The following CALHM4 variants were observed in gnomAD, a reference collection of about 807,000 sequenced individuals.
The protein encoded by CALHM4 is calcium homeostasis modulator protein 4.
In CALHM4, 16 loss-of-function variants were observed where a neutral mutation model predicts 13.3. That is an observed-to-expected ratio of 1.20 (90% CI 0.81 to 1.82). CALHM4 has a LOEUF of 1.82. Ranked by LOEUF, CALHM4 falls within the 40% of genes most tolerant of loss-of-function variation. The pLI is 0.00. For synonymous variants in CALHM4, 127 were observed against 137.1 expected (o/e 0.93, Z 0.52); for missense variants, 344 against 374.9 (o/e 0.92, Z 0.68).
Position 116,554,216 on chromosome 6 carries a change from T to C in CALHM4, c.423T>C (p.His141=), listed in dbSNP as rs960412594. 1 of 1,550,560 alleles carries C rather than the reference T, an allele frequency of 6.4e-7. No individual in the cohort carries two copies. Among genetic ancestry groups the C allele is most frequent in the African/African-American group, 1.4e-5 (1 of 73,122 alleles). ...CAASEFASVD[H]YPMFDNVSAS... is the part of the protein sequence containing the mutation. ...CAAGTGAATTTGCATCTGTGGACCA[T>C]TACCCAATGTTTGATAATGTCAGTG... is the stretch of plus-strand genomic sequence containing the variant. Residue 141 remains histidine, a synonymous_variant, in exon 1 of 2, where the codon CAT becomes CAC. Transcript: ENST00000368596.
At position 116,554,050 on chromosome 6, in the gene CALHM4, C is replaced by A; in HGVS notation, c.257C>A (p.Ala86Asp). ...TITGEYCCSC[A>D]PPYRRISPLE... ...ACCGGTGAATACTGCTGCAGCTGTG[C>A]CCCTCCATACAGGAGAATCAGCCCC... Residue 86 changes from alanine (A) to aspartate (D), a missense_variant, in exon 1 of 2, where the codon GCC becomes GAC. Transcript: ENST00000368596. The A allele has an allele frequency of 1.3e-6, 2 of 1,550,650 alleles. No homozygotes were observed. Among genetic ancestry groups the A allele is most frequent in the Non-Finnish European group, 1.7e-6 (2 of 1,147,018 alleles).
chr6:116,531,293 T>C (rs1298418236), intron 1 of CALHM4, among the ~76,000 whole-genome samples: 2 of 151,764 alleles, frequency 1.3e-5, no homozygotes, highest in Admixed American at 6.5e-5. Context: ...TTGGGCAGAA[T>C]GCAAATGACA....
upstream of CALHM4, among the ~76,000 whole-genome samples, chr6:116,551,459 T>C (rs1177261564): frequency 1.3e-5 from 2 of 152,252 alleles, no homozygotes; most frequent in Non-Finnish European, 2.9e-5. Flanking sequence ...CGGAAAATTA[T>C]TTCTGAATTC....
upstream of CALHM4, among the ~76,000 whole-genome samples, chr6:116,552,290 T>A (rs900652687): frequency 1.3e-5 from 2 of 152,204 alleles, no homozygotes; most frequent in Middle Eastern, 3.2e-3. Context: ...TCTGGTAGTT[T>A]TAAAGAATAT....
At chr6:116,556,227 T>C (rs537086713) in intron 1 of CALHM4, among the ~76,000 whole-genome samples, 9 of 152,380 alleles carry the variant, frequency 5.9e-5, no homozygotes, top group African/African-American at 1.9e-4. Context: ...GTTCATTCCA[T>C]TGTGCTTCCT....
chr6:116,547,145 T>A (rs1232021009), intron 2 of CALHM4, among the ~76,000 whole-genome samples: 2 of 152,182 alleles, frequency 1.3e-5, no homozygotes, highest in Non-Finnish European at 2.9e-5. Context: ...CCGCACACAC[T>A]CTAATTATGT....
At chr6:116,549,868 C>T (rs976938099), upstream of CALHM4, among the ~76,000 whole-genome samples, 47 of 150,442 alleles carry the variant, frequency 3.1e-4, 1 homozygote, top group African/African-American at 1.0e-3. Context: ...CCCAACTACT[C>T]GGTAGGCTGA....
At chr6:116,546,589 TG>T (rs1773793235) in intron 2 of CALHM4, among the ~76,000 whole-genome samples, 1 of 152,234 alleles carries the variant, frequency 6.6e-6, no homozygotes, top group Non-Finnish European at 1.5e-5. Context: ...TACCATTTAC[TG>T]GCTGTGTGGC....
At chr6:116,553,665 A>C (rs962556325), upstream of CALHM4, 12 of 825,442 alleles carry the variant, frequency 1.5e-5, no homozygotes, top group African/African-American at 1.6e-4. Flanking sequence ...AGAATCCTTT[A>C]AACATGTAAG....
chr6:116,550,731 A>G (rs927770472), upstream of CALHM4, among the ~76,000 whole-genome samples: 1 of 151,822 alleles, frequency 6.6e-6, no homozygotes, highest in Non-Finnish European at 1.5e-5. Flanking sequence ...TTGGATTTCT[A>G]TTCTTTTAGT....
intron 2 of CALHM4, among the ~76,000 whole-genome samples, chr6:116,547,150 T>G (rs1773829530): frequency 6.6e-6 from 1 of 152,104 alleles, no homozygotes; most frequent in Non-Finnish European, 1.5e-5. Flanking sequence ...CACACTCTAA[T>G]TATGTTAGAG....
In CALHM4 at chr6:116,557,702, A is replaced by G. The variant is rs543923373; in HGVS notation, c.559-123A>G. Reference sequence around the variant, plus strand: ...ACGTTGTTGATATACTAAAGATGGGAAAAGCAAATTTTATGTCCATATTTT... The same window carrying G: ...ACGTTGTTGATATACTAAAGATGGGGAAAGCAAATTTTATGTCCATATTTT... On this transcript the variant is annotated intron_variant, in intron 1 of 1. Transcript: ENST00000368596. 3.5e-5 allele frequency: 42 copies of G among 1,217,322 alleles called. No homozygotes were observed. In the South Asian group the frequency reaches 6.3e-4, roughly 18 times the overall value. The allele number at this position is 1,217,322 out of a possible 1,614,324, so 75.4% of individuals were successfully genotyped here. A position where few individuals can be genotyped will look rare whatever the true frequency, so the allele number is the denominator to read the frequency against.
chr6:116,544,641 T>C (rs1368172996), intron 2 of CALHM4, among the ~76,000 whole-genome samples: 9 of 152,122 alleles, frequency 5.9e-5, no homozygotes. Flanking sequence ...TAAAATCAAG[T>C]GATTTCGGTA....
chr6:116,555,775 A>G (rs1774288106), intron 1 of CALHM4, among the ~76,000 whole-genome samples: 2 of 152,188 alleles, frequency 1.3e-5, no homozygotes, highest in African/African-American at 4.8e-5. Context: ...TTGTGAATTG[A>G]CCACAAAATC....
intron 2 of CALHM4, chr6:116,545,512 C>A: frequency 6.5e-7 from 1 of 1,547,942 alleles, no homozygotes; most frequent in Non-Finnish European, 8.7e-7. Context: ...CAGGGCGAGA[C>A]ATAGTGCTTG....
rs758415215 is a variant in CALHM4 at position 116,558,153 on chromosome 6, A to G, written c.887A>G (p.Asn296Ser). ...DLQGHYSFLG[N>S]RVDEDNEEDR... ...CAAGGTCACTATAGCTTCCTTGGAA[A>G]TAGGGTGGATGAGGATAATGAGGAA... Residue 296 changes from asparagine (N) to serine (S), a missense_variant, in exon 2 of 2, where the codon AAT becomes AGT. By Grantham distance (46) the Asn-to-Ser change is conservative. Coordinates refer to ENST00000368596, the MANE Select transcript of CALHM4 (RefSeq NM_001366078.2). The G allele has an allele frequency of 3.7e-6, 6 of 1,613,984 alleles. No individual in the cohort carries two copies. In the South Asian group the frequency reaches 6.6e-5, roughly 18 times the overall value.
At chr6:116,552,556 G>A (rs1407396133), upstream of CALHM4, among the ~76,000 whole-genome samples, 2 of 151,844 alleles carry the variant, frequency 1.3e-5, no homozygotes, top group Non-Finnish European at 1.5e-5. Context: ...ACTGCATTTT[G>A]GGTGAATTTC....
intron 1 of CALHM4, among the ~76,000 whole-genome samples, chr6:116,534,805 T>A (rs1365846621): frequency 2.0e-5 from 3 of 152,176 alleles, no homozygotes; most frequent in Non-Finnish European, 4.4e-5. Context: ...GTTCTCTTCT[T>A]TTGCTTTCCA....
chr6:116,534,735 A>G (rs1307621006), intron 1 of CALHM4, among the ~76,000 whole-genome samples: 1 of 152,102 alleles, frequency 6.6e-6, no homozygotes, highest in African/African-American at 2.4e-5. Flanking sequence ...CTCATCCCCC[A>G]AAATCATTGC....
Sources: gnomAD v4.1 joint callset for allele counts (sites outside exome capture counted in the v4.1 genomes callset) on GRCh38, gnomAD v4.1.1 for gene constraint, MANE v1.5 for transcripts, NCBI Gene and HGNC (gene_info 2026-07-23, HGNC 2026-07-21) for gene names.